GAP43: variants seen among roughly 807,000 people sequenced by gnomAD.
The protein encoded by GAP43 is growth associated protein 43.
Under a neutral mutation model 18.6 loss-of-function variants are expected in GAP43, and 6 were observed. That is an observed-to-expected ratio of 0.32 (90% CI 0.18 to 0.64). GAP43 has a LOEUF of 0.64. GAP43 is among the 30% of genes least tolerant of loss of function. GAP43 has a pLI of 0.78. For missense variants in GAP43, 292 were observed against 295.5 expected, an observed-to-expected ratio of 0.99 and a Z score of 0.09; for synonymous variants, 115 against 111.4, an observed-to-expected ratio of 1.03 and a Z score of -0.20.
In GAP43 at chr3:115,644,379, AG is replaced by A. The variant is rs1337031891; in HGVS notation, c.30+20662del. Among the ~76,000 whole-genome samples the A allele has an allele frequency of 6.6e-6, 1 of 151,946 alleles. No homozygotes were observed. The highest frequency in any genetic ancestry group is 2.4e-5 in the African/African-American group (1 of 41,400). On this transcript the variant is annotated intron_variant, in intron 1 of 2. Coordinates refer to ENST00000305124, the MANE Select transcript of GAP43 (RefSeq NM_002045.4). This position sits in a 1 kb window ranked among gnomAD's most constrained non-coding sequence, Gnocchi z 4.2. ...AGGGTGATGAATGGGTGAGAGTGGG[AG>A]GAGTTCAAACACTGGTTGATAAAAG... is the stretch of plus-strand genomic sequence containing the variant.
At chr3:115,665,020 G>A (rs1400357125) in intron 1 of GAP43, among the ~76,000 whole-genome samples, 2 of 151,962 alleles carry the variant, frequency 1.3e-5, no homozygotes, top group Non-Finnish European at 2.9e-5. Context: ...GTTCTATAAG[G>A]ATAATCACTC....
chr3:115,690,728 GCAAAT>G lies in GAP43; in HGVS notation c.628+14120_628+14124del, dbSNP rs1404876285. 1.1e-3 allele frequency among the ~76,000 whole-genome samples: 160 copies of G among 149,606 alleles called. 3 individuals carry two copies. Among genetic ancestry groups the G allele is most frequent in the Admixed American group, 0.011 (159 of 14,978 alleles). ...CTCTCCCCATATGAAGATCCTCTGG[GCAAAT>G]CTTTTTTTTTTTTTTCTTTCTTTCT... On this transcript the variant is annotated intron_variant, in intron 2 of 2. Transcript: ENST00000305124.
rs552102275 is a variant in GAP43 at position 115,706,767 on chromosome 3, T to G, written c.629-14027T>G. Among the ~76,000 whole-genome samples the G allele has an allele frequency of 9.2e-5, 14 of 152,292 alleles. 1 individual carries two copies. In the South Asian group the frequency reaches 2.7e-3, roughly 29 times the overall value. On this transcript the variant is annotated intron_variant, in intron 2 of 2. Transcript: ENST00000305124. Reference sequence around the variant, plus strand: ...TTTTTCACTCCACAAGCAGAAACTTTACAAGTCAGAGACTCTTCTCTTTCT... The same window carrying G: ...TTTTTCACTCCACAAGCAGAAACTTGACAAGTCAGAGACTCTTCTCTTTCT...
intron 2 of GAP43, among the ~76,000 whole-genome samples, chr3:115,677,948 A>T (rs1205578558): frequency 6.6e-6 from 1 of 152,258 alleles, no homozygotes; most frequent in African/African-American, 2.4e-5. Context: ...TTCTATGAAT[A>T]TGATGCCAGA....
At position 115,633,183 on chromosome 3, in the gene GAP43, T is replaced by C. The variant is rs919011778; in HGVS notation, c.30+9464T>C. ...TCCCAGCTACAATTCAAATTTTAAA[T>C]GATGAGAGAGAAAGAGAGAGATAAG... On this transcript the variant is annotated intron_variant, in intron 1 of 2. Transcript: ENST00000305124. Among the ~76,000 whole-genome samples, 4 of 151,418 alleles carry C rather than the reference T, an allele frequency of 2.6e-5. No individual in the cohort carries two copies. In the South Asian group the frequency reaches 8.4e-4, roughly 32 times the overall value.
intron 1 of GAP43, among the ~76,000 whole-genome samples, chr3:115,654,874 T>G (rs1708561584): frequency 6.6e-6 from 1 of 152,104 alleles, no homozygotes; most frequent in Non-Finnish European, 1.5e-5. Context: ...TGTGCAGAGG[T>G]CTCATTACTG....
intron 1 of GAP43, among the ~76,000 whole-genome samples, chr3:115,668,369 A>G (rs1708760174): frequency 6.6e-6 from 1 of 152,174 alleles, no homozygotes; most frequent in Non-Finnish European, 1.5e-5. Context: ...CACAGATTAA[A>G]TATAAATAGT....
chr3:115,667,000 G>T (rs766219809), intron 1 of GAP43, among the ~76,000 whole-genome samples: 4 of 152,068 alleles, frequency 2.6e-5, no homozygotes, highest in African/African-American at 4.8e-5. Flanking sequence ...CGTGATGAAG[G>T]CTCCAGCATT....
chr3:115,647,289 C>T (rs1402264671), intron 1 of GAP43, among the ~76,000 whole-genome samples: 1 of 152,034 alleles, frequency 6.6e-6, no homozygotes, highest in Non-Finnish European at 1.5e-5. Flanking sequence ...CTTGGACTTC[C>T]CATCCTCTGG....
rs146340314 is a variant in GAP43, at chr3:115,717,497, C to T, written c.629-3297C>T. Among the ~76,000 whole-genome samples, 22 of 151,896 alleles carry T rather than the reference C, an allele frequency of 1.4e-4. No homozygotes were observed. The East Asian group carries it at 2.7e-3, about 19-fold the overall frequency. On this transcript the variant is annotated intron_variant, in intron 2 of 2. Coordinates refer to ENST00000305124, the MANE Select transcript of GAP43 (RefSeq NM_002045.4). ...GCTACTTTTATATTTTTAGTAGCGA[C>T]GGGGTTTCACCATTTTGGCCAAGCT... is the stretch of plus-strand genomic sequence containing the variant.
intron 1 of GAP43, among the ~76,000 whole-genome samples, chr3:115,658,035 T>C (rs1241468996): frequency 6.6e-6 from 1 of 152,136 alleles, no homozygotes; most frequent in Non-Finnish European, 1.5e-5. Context: ...TTACATACCT[T>C]AGACATATAA....
chr3:115,659,913 A>G (rs1473119192), intron 1 of GAP43, among the ~76,000 whole-genome samples: 1 of 152,174 alleles, frequency 6.6e-6, no homozygotes, highest in Non-Finnish European at 1.5e-5. Flanking sequence ...CCTCCCCCGC[A>G]ACTAGGACAG....
chr3:115,658,279 G>A (rs192106258), intron 1 of GAP43, among the ~76,000 whole-genome samples: 12 of 152,146 alleles, frequency 7.9e-5, no homozygotes, highest in Non-Finnish European at 1.3e-4. Flanking sequence ...GGCTGGTTCT[G>A]GCTTGTCTTC....
At chr3:115,684,207 G>GT (rs1709004800) in intron 2 of GAP43, among the ~76,000 whole-genome samples, 10 of 151,516 alleles carry the variant, frequency 6.6e-5, no homozygotes, top group East Asian at 1.9e-4. Flanking sequence ...ACTTTTGAAG[G>GT]CTTTTTTTTC....
chr3:115,624,288 G>C (rs1323542107), intron 1 of GAP43, among the ~76,000 whole-genome samples: 1 of 120,442 alleles, frequency 8.3e-6, no homozygotes, highest in African/African-American at 3.2e-5. Context: ...GAATGAAACT[G>C]TGATTTGATA....
intron 1 of GAP43, among the ~76,000 whole-genome samples, chr3:115,652,394 G>GTTTTTT: frequency 1.7e-5 from 1 of 59,644 alleles, no homozygotes; most frequent in African/African-American, 6.1e-5. Context: ...TTGTGATAGA[G>GTTTTTT]TCTTGCTCTG....
At chr3:115,697,920 G>A (rs1467798619) in intron 2 of GAP43, among the ~76,000 whole-genome samples, 12 of 146,014 alleles carry the variant, frequency 8.2e-5, no homozygotes, top group Admixed American at 3.6e-4. Flanking sequence ...TGATTGGAAC[G>A]TTTTCCCATG....
intron 1 of GAP43, among the ~76,000 whole-genome samples, chr3:115,639,408 A>G (rs962807298): frequency 6.6e-6 from 1 of 152,100 alleles, no homozygotes; most frequent in Admixed American, 6.6e-5. Flanking sequence ...ATTTTAGCCA[A>G]TTATTCTGCT....
intron 1 of GAP43, among the ~76,000 whole-genome samples, chr3:115,656,015 G>A (rs1708576619): frequency 1.3e-5 from 2 of 152,160 alleles, no homozygotes; most frequent in Admixed American, 1.3e-4. Flanking sequence ...TATCTACTTT[G>A]TCCAAAATTC....
Sources: allele counts gnomAD v4.1 joint callset (sites outside exome capture counted in the v4.1 genomes callset), GRCh38; gene constraint gnomAD v4.1.1; non-coding constraint Gnocchi (gnomAD v3.1); transcripts MANE v1.5; gene names NCBI Gene and HGNC (gene_info 2026-07-23, HGNC 2026-07-21).